CNBD1: variants seen among roughly 807,000 people sequenced by gnomAD.
The protein encoded by CNBD1 is cyclic nucleotide binding domain containing 1, also known as cyclic nucleotide-binding domain-containing protein 1.
Under a neutral mutation model 54.4 loss-of-function variants are expected in CNBD1, and 71 were observed. The observed-to-expected ratio is 1.30, with a 90% confidence interval of 1.08 to 1.59. The LOEUF is 1.59. CNBD1 is among the 40% of genes most tolerant of loss of function. The pLI, the probability that CNBD1 is intolerant of heterozygous loss-of-function variation, is 0.00. For synonymous variants in CNBD1, 182 were observed against 170.7 expected (o/e 1.07, Z -0.51); for missense variants, 659 against 518.0 (o/e 1.27, Z -2.64).
At chr8:87,164,097 T>C (rs1812912487) in intron 4 of CNBD1, among the ~76,000 whole-genome samples, 2 of 152,128 alleles carry the variant, frequency 1.3e-5, no homozygotes, top group South Asian at 4.1e-4. Context: ...GTATATTACA[T>C]TGTTGATTTG....
intron 4 of CNBD1, among the ~76,000 whole-genome samples, chr8:87,097,020 C>T (rs150143873): frequency 4.6e-5 from 7 of 152,124 alleles, no homozygotes; most frequent in East Asian, 1.9e-4. Context: ...GCTTTCTCTT[C>T]GTTTGACATT....
At chr8:87,110,581 A>C (rs1442457882) in intron 4 of CNBD1, among the ~76,000 whole-genome samples, 1 of 152,144 alleles carries the variant, frequency 6.6e-6, no homozygotes, top group Admixed American at 6.6e-5. Context: ...ACCTCTGAAA[A>C]CTTTATGCAT....
chr8:87,102,123 G>C (rs924342282), intron 4 of CNBD1, among the ~76,000 whole-genome samples: 1 of 151,990 alleles, frequency 6.6e-6, no homozygotes, highest in African/African-American at 2.4e-5. Flanking sequence ...TCCTGACTTC[G>C]TGATCTGCCC....
rs568316399 is a variant in CNBD1 at position 86,969,938 on chromosome 8, AT to A, written c.431+30192del. Among the ~76,000 whole-genome samples, 374 of 151,128 alleles carry A rather than the reference AT, an allele frequency of 2.5e-3. 1 individual carries two copies. The highest frequency in any genetic ancestry group is 8.6e-3 in the African/African-American group (355 of 41,244). On this transcript the variant is annotated intron_variant, in intron 4 of 10. Coordinates refer to ENST00000518476, the MANE Select transcript of CNBD1 (RefSeq NM_173538.3). The stretch of plus-strand genomic sequence containing the variant: ...TATTTTTAAACTTGCATTTCTTTTC[AT>A]TTTTTTTCTGCCTGAAATATATTAA...
At chr8:87,122,837 T>C (rs1170300636) in intron 4 of CNBD1, among the ~76,000 whole-genome samples, 1 of 151,894 alleles carries the variant, frequency 6.6e-6, no homozygotes, top group Non-Finnish European at 1.5e-5. Context: ...TTTTGTACTC[T>C]CAGCACCTTT....
At chr8:86,916,546 G>A (rs763053222) in intron 3 of CNBD1, among the ~76,000 whole-genome samples, 3 of 118,184 alleles carry the variant, frequency 2.5e-5, no homozygotes, top group Non-Finnish European at 6.0e-5. Context: ...TCATATACCT[G>A]TTAAACTCTG....
At chr8:87,113,387 TCTGA>T (rs1465799018) in intron 4 of CNBD1, among the ~76,000 whole-genome samples, 1 of 152,224 alleles carries the variant, frequency 6.6e-6, no homozygotes, top group East Asian at 1.9e-4. Flanking sequence ...AATTAACCTT[TCTGA>T]CTGTTTCCTC....
intron 8 of CNBD1, among the ~76,000 whole-genome samples, chr8:87,312,869 C>T (rs186972161): frequency 6.6e-6 from 1 of 152,128 alleles, no homozygotes; most frequent in Non-Finnish European, 1.5e-5. Flanking sequence ...TGCCAAACTT[C>T]ACAGGAGTTT....
chr8:87,375,514 T>G (rs1458383165), intron 10 of CNBD1, among the ~76,000 whole-genome samples: 1 of 151,844 alleles, frequency 6.6e-6, no homozygotes, highest in African/African-American at 2.4e-5. Flanking sequence ...TAACCATCTT[T>G]TCCGAAGCCA....
At chr8:87,085,249 A>G (rs1256753681) in intron 4 of CNBD1, among the ~76,000 whole-genome samples, 1 of 152,156 alleles carries the variant, frequency 6.6e-6, no homozygotes, top group African/African-American at 2.4e-5. Context: ...TAATCACTGC[A>G]TTAATCATAT....
chr8:87,425,046 T>A (rs374679167), intron 2 of CNBD1, among the ~76,000 whole-genome samples: 8 of 152,204 alleles, frequency 5.3e-5, no homozygotes, highest in African/African-American at 1.9e-4. Flanking sequence ...CTCTAAACTT[T>A]CCTTCTCGCT....
chr8:87,373,864 C>G (rs1810870345), intron 10 of CNBD1, among the ~76,000 whole-genome samples: 1 of 151,316 alleles, frequency 6.6e-6, no homozygotes, highest in South Asian at 2.1e-4. Context: ...AAGTCTATGC[C>G]TGTACAAATG....
rs1300483749 is a variant in CNBD1 at position 86,993,278 on chromosome 8, A to C, written c.431+53524A>C. 2.6e-5 allele frequency among the ~76,000 whole-genome samples: 4 copies of C among 151,320 alleles called. No homozygotes were observed. The East Asian group carries it at 7.8e-4, about 30-fold the overall frequency. ...TAATACTGCTGAATACATTATGAAC[A>C]TTTTTATTGAATTTTTTTCAATTCC... On this transcript the variant is annotated intron_variant, in intron 4 of 10. Transcript: ENST00000518476.
chr8:87,370,767 A>G (rs983591116), intron 10 of CNBD1, among the ~76,000 whole-genome samples: 8 of 148,430 alleles, frequency 5.4e-5, no homozygotes, highest in African/African-American at 2.0e-4. Context: ...TTTTGTTGCC[A>G]TTGCTTTTGG....
intron 6 of CNBD1, among the ~76,000 whole-genome samples, chr8:87,275,785 C>T (rs1293915986): frequency 3.3e-5 from 5 of 151,408 alleles, no homozygotes; most frequent in African/African-American, 1.2e-4. Context: ...GTCAAATTGT[C>T]CCTGTTTGCA....
intron 4 of CNBD1, among the ~76,000 whole-genome samples, chr8:87,026,290 C>A (rs572316866): frequency 1.3e-5 from 2 of 150,986 alleles, no homozygotes; most frequent in East Asian, 1.9e-4. Context: ...TCTTTTCTCT[C>A]CGTTTCTCCC....
At chr8:87,375,033 T>C (rs1395302052) in intron 10 of CNBD1, among the ~76,000 whole-genome samples, 1 of 151,302 alleles carries the variant, frequency 6.6e-6, no homozygotes, top group East Asian at 1.9e-4. Context: ...GTGATTATTC[T>C]TTTGTCCTTA....
At chr8:86,881,667 T>C (rs1248899580) in intron 1 of CNBD1, among the ~76,000 whole-genome samples, 4 of 152,132 alleles carry the variant, frequency 2.6e-5, no homozygotes, top group Non-Finnish European at 5.9e-5. Flanking sequence ...GAAAAAACTA[T>C]TTAAAAATTC....
chr8:87,336,893 T>G (rs753503561), intron 8 of CNBD1, among the ~76,000 whole-genome samples: 29 of 152,154 alleles, frequency 1.9e-4, no homozygotes, highest in Non-Finnish European at 4.1e-4. Context: ...TGACTTTTTT[T>G]GTTGATGCTG....
Sources: allele counts gnomAD v4.1 joint callset (sites outside exome capture counted in the v4.1 genomes callset), GRCh38; gene constraint gnomAD v4.1.1; transcripts MANE v1.5; gene names NCBI Gene and HGNC (gene_info 2026-07-23, HGNC 2026-07-21).